AGBL1: variants seen among roughly 807,000 people sequenced by gnomAD.
AGBL1 encodes cytosolic carboxypeptidase 4.
In AGBL1, 130 loss-of-function variants were observed where a neutral mutation model predicts 118.9. The observed-to-expected ratio is 1.09, with a 90% confidence interval of 0.95 to 1.26. The LOEUF (loss-of-function observed/expected upper bound fraction) is 1.26, where lower values mean the gene tolerates loss of function less well. Among genes scored for constraint, AGBL1 ranks in the 50% most tolerant of loss-of-function variants. AGBL1 has a pLI of 0.00. For missense variants in AGBL1, 1,584 were observed against 1,298.1 expected, an observed-to-expected ratio of 1.22 and a Z score of -3.38; for synonymous variants, 555 against 478.9, an observed-to-expected ratio of 1.16 and a Z score of -2.08.
intron 22 of AGBL1, among the ~76,000 whole-genome samples, chr15:86,731,075 C>T (rs1003399568): frequency 6.6e-6 from 1 of 152,118 alleles, no homozygotes; most frequent in Non-Finnish European, 1.5e-5. Flanking sequence ...AGGTGATCCG[C>T]CCGTCTTGGC....
intron 5 of AGBL1, among the ~76,000 whole-genome samples, chr15:86,181,167 A>C (rs945049611): frequency 1.3e-5 from 2 of 152,068 alleles, no homozygotes; most frequent in Admixed American, 1.3e-4. Context: ...CTGGGTATTC[A>C]TTTACACAAT....
intron 22 of AGBL1, among the ~76,000 whole-genome samples, chr15:86,790,182 A>C (rs143312322): frequency 2.8e-3 from 423 of 152,272 alleles, no homozygotes; most frequent in African/African-American, 9.8e-3. Flanking sequence ...AAGAAACTTC[A>C]GGTGAGGAAA....
intron 21 of AGBL1, among the ~76,000 whole-genome samples, chr15:86,593,541 C>A (rs1475538732): frequency 6.6e-6 from 1 of 152,150 alleles, no homozygotes; most frequent in Admixed American, 6.6e-5. Context: ...GCATGAGACT[C>A]ATTATTTTTC....
chr15:86,194,219 G>T (rs1334008656), intron 5 of AGBL1, among the ~76,000 whole-genome samples: 1 of 152,102 alleles, frequency 6.6e-6, no homozygotes. Context: ...TCTATAATTA[G>T]ATTTTTCAAA....
chr15:86,231,895 G>C lies in AGBL1; in HGVS notation c.526+6944G>C, dbSNP rs151167671. Among the ~76,000 whole-genome samples, 10 of 152,284 alleles carry C rather than the reference G, an allele frequency of 6.6e-5. No homozygotes were observed. In the East Asian group the frequency reaches 1.9e-3, roughly 29 times the overall value. On this transcript the variant is annotated intron_variant, in intron 6 of 22. Coordinates refer to ENST00000614907, the MANE Select transcript of AGBL1 (RefSeq NM_001386094.1). ...GTATTAGAAGGATTATTGTGGGAGG[G>C]GGTATCTGTCATTGAGGTTAGAAAA...
chr15:86,586,633 G>A (rs4598876), intron 21 of AGBL1, among the ~76,000 whole-genome samples: 66,861 of 151,866 alleles, frequency 0.44, 15,029 homozygotes, highest in African/African-American at 0.47. Flanking sequence ...TAAAGCAGTC[G>A]GGTTACAGTT....
chr15:86,575,755 T>C (rs148104669), intron 21 of AGBL1, among the ~76,000 whole-genome samples: 2 of 151,938 alleles, frequency 1.3e-5, no homozygotes, highest in African/African-American at 4.8e-5. Flanking sequence ...ACATCTGGCT[T>C]ATTTATTGAA....
At chr15:86,799,478 T>C (rs1381119262) in intron 22 of AGBL1, among the ~76,000 whole-genome samples, 1 of 152,120 alleles carries the variant, frequency 6.6e-6, no homozygotes, top group South Asian at 2.1e-4. Flanking sequence ...CTTCTTTACA[T>C]GGGAATAATT....
chr15:86,963,486 A>G (rs1402739644), intron 23 of AGBL1, among the ~76,000 whole-genome samples: 1 of 152,030 alleles, frequency 6.6e-6, no homozygotes, highest in African/African-American at 2.4e-5. Context: ...AACATCATCT[A>G]GTATACTGGA....
intron 13 of AGBL1, among the ~76,000 whole-genome samples, chr15:86,268,957 GC>G (rs2079114742): frequency 6.6e-6 from 1 of 152,192 alleles, no homozygotes; most frequent in South Asian, 2.1e-4. Context: ...AGAGGATGGA[GC>G]AACATTTTTA....
intron 17 of AGBL1, among the ~76,000 whole-genome samples, chr15:86,333,450 C>T (rs2080308616): frequency 6.6e-6 from 1 of 152,052 alleles, no homozygotes; most frequent in Non-Finnish European, 1.5e-5. Context: ...GGATAAATTC[C>T]TGGAAACACA....
At position 86,855,353 on chromosome 15, in the gene AGBL1, A is replaced by G. The variant is rs77083007; in HGVS notation, c.3159-51734A>G. Among the ~76,000 whole-genome samples, 451 of 152,290 alleles carry G rather than the reference A, an allele frequency of 3.0e-3. 4 individuals carry two copies. Among genetic ancestry groups the G allele is most frequent in the African/African-American group, 0.01 (425 of 41,554 alleles). ...AAGCCAAGGAGAGCCAGAGCACCAT[A>G]TGTTTATGAATATAATGGCATTTCT... On this transcript the variant is annotated intron_variant, in intron 22 of 22. Transcript: ENST00000614907.
At chr15:86,384,211 A>C (rs2081151227) in intron 17 of AGBL1, among the ~76,000 whole-genome samples, 1 of 152,142 alleles carries the variant, frequency 6.6e-6, no homozygotes, top group Admixed American at 6.5e-5. Flanking sequence ...AGGTGTCAGG[A>C]GCTTTCATGA....
At chr15:86,099,707 A>C (rs956330879) in intron 1 of AGBL1, among the ~76,000 whole-genome samples, 6 of 152,046 alleles carry the variant, frequency 3.9e-5, no homozygotes, top group Non-Finnish European at 5.9e-5. Flanking sequence ...ATAGGGTTTC[A>C]CCATGTTGGT....
At chr15:86,502,510 C>T (rs2082929318) in intron 18 of AGBL1, among the ~76,000 whole-genome samples, 2 of 150,842 alleles carry the variant, frequency 1.3e-5, no homozygotes, top group African/African-American at 4.9e-5. Flanking sequence ...TGGCTCATTC[C>T]AAATCTTGGC....
chr15:86,771,772 G>A (rs12438155), intron 22 of AGBL1, among the ~76,000 whole-genome samples: 48,130 of 151,770 alleles, frequency 0.32, 8,419 homozygotes, highest in African/African-American at 0.47. Flanking sequence ...CAATGAACTG[G>A]AAAGGTACAT....
chr15:86,666,365 TATTTA>T (rs1241522867), intron 21 of AGBL1, among the ~76,000 whole-genome samples: 1 of 152,218 alleles, frequency 6.6e-6, no homozygotes, highest in African/African-American at 2.4e-5. Context: ...GATTTTTGTA[TATTTA>T]ATTTGTAACC....
rs76286265 is a variant in AGBL1 at position 86,389,092 on chromosome 15, C to G, written c.2375-8274C>G. Among the ~76,000 whole-genome samples, 19 of 151,892 alleles carry G rather than the reference C, an allele frequency of 1.3e-4. No homozygotes were observed. In the East Asian group the frequency reaches 3.5e-3, roughly 28 times the overall value. On this transcript the variant is annotated intron_variant, in intron 17 of 22. Transcript: ENST00000614907. ...TATAGCTTTTGAAGAGAAGAAAATA[C>G]TTTATTATTTGCAGGGGTTAGGATT...
intron 18 of AGBL1, among the ~76,000 whole-genome samples, chr15:86,481,810 A>C (rs2082654866): frequency 6.6e-6 from 1 of 152,052 alleles, no homozygotes; most frequent in Admixed American, 6.6e-5. Context: ...TTTGTTGTTC[A>C]CCCTTCTGAA....
Sources: allele counts gnomAD v4.1 joint callset (sites outside exome capture counted in the v4.1 genomes callset), GRCh38; gene constraint gnomAD v4.1.1; transcripts MANE v1.5; gene names NCBI Gene and HGNC (gene_info 2026-07-23, HGNC 2026-07-21).